The following CACNA2D3 variants were observed in gnomAD, a reference collection of about 807,000 sequenced individuals.
CACNA2D3 encodes the protein calcium voltage-gated channel auxiliary subunit alpha2delta 3.
A neutral mutation model predicts 160.6 loss-of-function variants in CACNA2D3; 60 were observed. The ratio of observed to expected loss-of-function variants is 0.37; its 90% CI spans 0.30 to 0.46. CACNA2D3 has a LOEUF of 0.46. CACNA2D3 is among the 20% of genes least tolerant of loss of function. CACNA2D3 has a pLI of 1.00. For missense variants in CACNA2D3, 1,205 were observed against 1,365.0 expected (o/e 0.88, Z 1.85); for synonymous variants, 558 against 492.9 (o/e 1.13, Z -1.75).
At chr3:54,793,957 G>A (rs914161334) in intron 13 of CACNA2D3, among the ~76,000 whole-genome samples, 2 of 151,872 alleles carry the variant, frequency 1.3e-5, no homozygotes, top group African/African-American at 4.8e-5. Context: ...TTTCTCATTT[G>A]TGTTACAAGG....
intron 35 of CACNA2D3, among the ~76,000 whole-genome samples, chr3:55,026,919 ACTC>A (rs1302621151): frequency 6.6e-6 from 1 of 151,916 alleles, no homozygotes; most frequent in Non-Finnish European, 1.5e-5. Context: ...TGAAACAGAA[ACTC>A]CTCATTCAGA....
intron 29 of CACNA2D3, among the ~76,000 whole-genome samples, chr3:54,976,056 T>TACACACACACACACACAC (rs3841944): frequency 6.9e-6 from 1 of 144,970 alleles, no homozygotes; most frequent in African/African-American, 2.6e-5. Context: ...TAGATATAGA[T>TACACACACACACACACAC]ACACACACAC....
intron 5 of CACNA2D3, among the ~76,000 whole-genome samples, chr3:54,542,963 T>C (rs1204204038): frequency 6.6e-6 from 1 of 152,246 alleles, no homozygotes; most frequent in Non-Finnish European, 1.5e-5. Flanking sequence ...ATCTTGGTCA[T>C]ATTCGTTGGA....
At chr3:55,004,214 T>C (rs191022151) in intron 31 of CACNA2D3, among the ~76,000 whole-genome samples, 174 of 152,330 alleles carry the variant, frequency 1.1e-3, no homozygotes, top group Non-Finnish European at 1.6e-3. Flanking sequence ...TTCACTCTTA[T>C]GGTGATGACA....
intron 2 of CACNA2D3, among the ~76,000 whole-genome samples, chr3:54,181,652 C>A (rs183684509): frequency 6.6e-6 from 1 of 152,062 alleles, no homozygotes; most frequent in Non-Finnish European, 1.5e-5. Context: ...GGATTTGAAC[C>A]CATCATCTAT....
intron 2 of CACNA2D3, among the ~76,000 whole-genome samples, chr3:54,176,189 G>A (rs1263863727): frequency 6.6e-6 from 1 of 152,142 alleles, no homozygotes; most frequent in South Asian, 2.1e-4. Flanking sequence ...GTGTTACACT[G>A]GCTGTGGAGT....
chr3:54,335,201 G>A (rs1411701479), intron 3 of CACNA2D3, among the ~76,000 whole-genome samples: 1 of 152,186 alleles, frequency 6.6e-6, no homozygotes, highest in African/African-American at 2.4e-5. Flanking sequence ...TACTATTGCA[G>A]GACAGGGGTC....
chr3:54,281,115 C>G (rs1702869878), intron 2 of CACNA2D3, among the ~76,000 whole-genome samples: 1 of 152,144 alleles, frequency 6.6e-6, no homozygotes, highest in African/African-American at 2.4e-5. Flanking sequence ...CCTAAACAAC[C>G]TGGAGTGGAG....
chr3:54,435,063 T>G (rs1383678313), intron 4 of CACNA2D3, among the ~76,000 whole-genome samples: 1 of 152,122 alleles, frequency 6.6e-6, no homozygotes, highest in African/African-American at 2.4e-5. Context: ...CAGTATGCCT[T>G]TTATAGTATA....
intron 27 of CACNA2D3, among the ~76,000 whole-genome samples, chr3:54,925,724 G>T (rs916226914): frequency 6.6e-6 from 1 of 152,154 alleles, no homozygotes; most frequent in African/African-American, 2.4e-5. Context: ...TGTGGCTACC[G>T]AGCTCTTGAG....
chr3:54,775,002 T>C (rs1247129288), intron 13 of CACNA2D3, among the ~76,000 whole-genome samples: 1 of 152,214 alleles, frequency 6.6e-6, no homozygotes, highest in East Asian at 1.9e-4. Flanking sequence ...AAAATGGCTC[T>C]ACTGTTTTTG....
chr3:55,046,008 A>G (rs1490835462), intron 35 of CACNA2D3, among the ~76,000 whole-genome samples: 1 of 152,044 alleles, frequency 6.6e-6, no homozygotes, highest in Non-Finnish European at 1.5e-5. Context: ...TCTTTCTAAT[A>G]TAAACATTTA....
At chr3:54,927,119 A>G (rs968569883) in intron 27 of CACNA2D3, among the ~76,000 whole-genome samples, 27 of 152,194 alleles carry the variant, frequency 1.8e-4, no homozygotes, top group African/African-American at 5.1e-4. Flanking sequence ...GCTTTGTTTG[A>G]TTGATTGTTT....
intron 2 of CACNA2D3, among the ~76,000 whole-genome samples, chr3:54,312,092 G>T (rs1444666751): frequency 6.6e-6 from 1 of 152,124 alleles, no homozygotes; most frequent in Non-Finnish European, 1.5e-5. Context: ...TGAATTAGAG[G>T]ATTTTAAGGG....
intron 10 of CACNA2D3, among the ~76,000 whole-genome samples, chr3:54,629,809 G>T (rs756771075): frequency 6.6e-6 from 1 of 152,160 alleles, no homozygotes; most frequent in Non-Finnish European, 1.5e-5. Flanking sequence ...AAACCTAGTG[G>T]CCAGAGCAGG....
chr3:54,954,922 C>T (rs1275085782), intron 27 of CACNA2D3, among the ~76,000 whole-genome samples: 2 of 152,174 alleles, frequency 1.3e-5, no homozygotes, highest in Admixed American at 6.5e-5. Context: ...GTCTGGACCA[C>T]AGTGCATTTG....
intron 17 of CACNA2D3, among the ~76,000 whole-genome samples, chr3:54,850,661 G>A (rs368006043): frequency 3.7e-4 from 56 of 152,260 alleles, no homozygotes; most frequent in African/African-American, 1.2e-3. Context: ...TGGTCAAACC[G>A]ACAGGAGAAC....
chr3:54,744,107 T>G (rs1701703803), intron 11 of CACNA2D3, among the ~76,000 whole-genome samples: 1 of 152,150 alleles, frequency 6.6e-6, no homozygotes, highest in Admixed American at 6.5e-5. Flanking sequence ...TTCTCCACAA[T>G]GTCCCTCTAT....
rs147703774 is a variant in CACNA2D3 at position 54,538,906 on chromosome 3, C to T, written c.545-23894C>T. Reference sequence around the variant, plus strand: ...CAGTAATTTACTTATTCTCTCTTTACGTTGGTTTCTGTCAATAAAATGTGG... The same window carrying T: ...CAGTAATTTACTTATTCTCTCTTTATGTTGGTTTCTGTCAATAAAATGTGG... On this transcript the variant is annotated intron_variant, in intron 5 of 37. Coordinates refer to ENST00000474759, the MANE Select transcript of CACNA2D3 (RefSeq NM_018398.3). Among the ~76,000 whole-genome samples the T allele has an allele frequency of 5.3e-5, 8 of 152,258 alleles. No homozygotes were observed. The East Asian group carries it at 1.4e-3, about 26-fold the overall frequency.
Sources: gnomAD v4.1 joint callset for allele counts (sites outside exome capture counted in the v4.1 genomes callset) on GRCh38, gnomAD v4.1.1 for gene constraint, MANE v1.5 for transcripts, NCBI Gene and HGNC (gene_info 2026-07-23, HGNC 2026-07-21) for gene names.